Variants in SPOCK1 observed in about 807,000 individuals in gnomAD.
SPOCK1 encodes the protein SPARC (osteonectin), cwcv and kazal like domains proteoglycan 1.
A neutral mutation model predicts 55.3 loss-of-function variants in SPOCK1; 23 were observed. The ratio of observed to expected loss-of-function variants is 0.42; its 90% CI spans 0.30 to 0.59. The LOEUF is 0.59. SPOCK1 is among the 20% of genes least tolerant of loss of function. The pLI, the probability that SPOCK1 is intolerant of heterozygous loss-of-function variation, is 0.22. For synonymous variants in SPOCK1, 226 were observed against 221.0 expected (o/e 1.02, Z -0.20); for missense variants, 499 against 552.5 (o/e 0.90, Z 0.97).
At chr5:137,028,341 ACT>A (rs2126984193) in intron 6 of SPOCK1, among the ~76,000 whole-genome samples, 1 of 152,300 alleles carries the variant, frequency 6.6e-6, no homozygotes, top group Admixed American at 6.5e-5. Context: ...CCACTTGCAG[ACT>A]CTAAATGACA....
chr5:137,017,288 T>C (rs1160992655), intron 6 of SPOCK1, among the ~76,000 whole-genome samples: 1 of 152,208 alleles, frequency 6.6e-6, no homozygotes, highest in Non-Finnish European at 1.5e-5. Context: ...CTTGATGTGG[T>C]AGGAGCTTCA....
At chr5:137,411,414 G>A (rs1448912313) in intron 2 of SPOCK1, among the ~76,000 whole-genome samples, 1 of 152,166 alleles carries the variant, frequency 6.6e-6, no homozygotes, top group Non-Finnish European at 1.5e-5. Context: ...GATGGAGGGA[G>A]AGGCAGGGCC....
chr5:137,318,900 C>T (rs993592949), intron 2 of SPOCK1, among the ~76,000 whole-genome samples: 3 of 152,190 alleles, frequency 2.0e-5, no homozygotes, highest in Non-Finnish European at 4.4e-5. Context: ...TCACCTGCTT[C>T]TCTGTAGGAA....
intron 6 of SPOCK1, among the ~76,000 whole-genome samples, chr5:137,010,909 T>C (rs909112157): frequency 2.6e-5 from 4 of 152,192 alleles, no homozygotes; most frequent in African/African-American, 9.6e-5. Context: ...ATTTTCATGT[T>C]TCTTCGCATA....
In SPOCK1 at chr5:137,364,091, A is replaced by T. The variant is rs554081867; in HGVS notation, c.187-97036T>A. Reference sequence around the variant, plus strand: ...CCTAGAAGCTCATCTCCTGCTTCTGATTCTAAATAAACTCTGATCTTATTA... The same window carrying T: ...CCTAGAAGCTCATCTCCTGCTTCTGTTTCTAAATAAACTCTGATCTTATTA... On this transcript the variant is annotated intron_variant, in intron 2 of 10. Transcript: ENST00000394945. 7.9e-5 allele frequency among the ~76,000 whole-genome samples: 12 copies of T among 152,260 alleles called. No individual in the cohort carries two copies. The South Asian group carries it at 2.3e-3, about 29-fold the overall frequency.
intron 6 of SPOCK1, among the ~76,000 whole-genome samples, chr5:137,015,189 C>T (rs1466084291): frequency 6.6e-6 from 1 of 152,004 alleles, no homozygotes; most frequent in East Asian, 1.9e-4. Context: ...TGCCTGTAAT[C>T]CCAGGACTTT....
At chr5:137,032,359 T>A (rs1372352524) in intron 6 of SPOCK1, among the ~76,000 whole-genome samples, 1 of 152,200 alleles carries the variant, frequency 6.6e-6, no homozygotes, top group Non-Finnish European at 1.5e-5. Context: ...TCTAATCATT[T>A]TCACAGGACA....
chr5:137,083,290 C>T (rs1484150857), intron 5 of SPOCK1, among the ~76,000 whole-genome samples: 2 of 152,122 alleles, frequency 1.3e-5, no homozygotes, highest in Admixed American at 6.6e-5. Flanking sequence ...CTCAAATCCT[C>T]GGGAGCCACA....
At chr5:137,250,452 A>G (rs1433895406) in intron 3 of SPOCK1, among the ~76,000 whole-genome samples, 2 of 152,220 alleles carry the variant, frequency 1.3e-5, no homozygotes, top group Non-Finnish European at 2.9e-5. Context: ...TAGTTTTTTA[A>G]TATTACTTCT....
chr5:137,057,353 G>T (rs1049276332), intron 6 of SPOCK1, among the ~76,000 whole-genome samples: 2 of 152,142 alleles, frequency 1.3e-5, no homozygotes, highest in Non-Finnish European at 2.9e-5. Context: ...CTGGATGGTT[G>T]TTTGTGTTTT....
intron 2 of SPOCK1, among the ~76,000 whole-genome samples, chr5:137,339,327 G>T (rs1219376150): frequency 1.3e-5 from 2 of 152,226 alleles, no homozygotes; most frequent in African/African-American, 2.4e-5. Context: ...CAAGGTGATT[G>T]GTCCATGGAT....
At chr5:136,983,555 AAC>A (rs1750775152) in intron 9 of SPOCK1, among the ~76,000 whole-genome samples, 1 of 151,074 alleles carries the variant, frequency 6.6e-6, no homozygotes, top group Non-Finnish European at 1.5e-5. Context: ...GAGATTTGTG[AAC>A]AGATTCTCAA....
At chr5:137,425,193 A>AATGT (rs1752583084) in intron 2 of SPOCK1, among the ~76,000 whole-genome samples, 1 of 151,972 alleles carries the variant, frequency 6.6e-6, no homozygotes, top group African/African-American at 2.4e-5. Flanking sequence ...GGCTTAGTAC[A>AATGT]ATGGCCTTAC....
At chr5:137,279,721 A>G (rs1757133491) in intron 2 of SPOCK1, among the ~76,000 whole-genome samples, 1 of 152,196 alleles carries the variant, frequency 6.6e-6, no homozygotes, top group Non-Finnish European at 1.5e-5. Flanking sequence ...GCATATGACA[A>G]TTACAATCCC....
chr5:137,122,534 T>G (rs981205433), intron 4 of SPOCK1, among the ~76,000 whole-genome samples: 5 of 152,240 alleles, frequency 3.3e-5, no homozygotes, highest in Non-Finnish European at 5.9e-5. Context: ...TTTACTTTTT[T>G]CATTGGCCCA....
chr5:137,069,955 TTCTC>T (rs1752580446), intron 5 of SPOCK1, among the ~76,000 whole-genome samples: 2 of 152,176 alleles, frequency 1.3e-5, no homozygotes, highest in Admixed American at 6.5e-5. Context: ...ACCCATTCTC[TTCTC>T]TCTCTGAGAG....
chr5:137,419,472 T>G (rs1168823014), intron 2 of SPOCK1, among the ~76,000 whole-genome samples: 1 of 152,142 alleles, frequency 6.6e-6, no homozygotes, highest in Admixed American at 6.6e-5. Context: ...CCTCTTTTAT[T>G]TCAATGAGCA....
intron 9 of SPOCK1, among the ~76,000 whole-genome samples, chr5:136,983,620 A>C (rs1016561643): frequency 1.5e-3 from 45 of 30,070 alleles, no homozygotes; most frequent in African/African-American, 0.01. Flanking sequence ...TCCTTGGACC[A>C]AAAAAAAAAA....
intron 2 of SPOCK1, among the ~76,000 whole-genome samples, chr5:137,453,784 G>C (rs776139062): frequency 1.8e-4 from 28 of 152,144 alleles, no homozygotes; most frequent in Non-Finnish European, 2.8e-4. Flanking sequence ...CATGATCAAG[G>C]TGTCCTTGTG....
Sources: gnomAD v4.1 joint callset for allele counts (sites outside exome capture counted in the v4.1 genomes callset) on GRCh38, gnomAD v4.1.1 for gene constraint, MANE v1.5 for transcripts, NCBI Gene and HGNC (gene_info 2026-07-23, HGNC 2026-07-21) for gene names.